FBXO22: variants seen among roughly 807,000 people sequenced by gnomAD.
The protein encoded by FBXO22 is F-box protein 22.
Under a neutral mutation model 37.2 loss-of-function variants are expected in FBXO22, and 13 were observed. The observed-to-expected ratio is 0.35, with a 90% CI of 0.23 to 0.56. FBXO22 has a LOEUF of 0.56. FBXO22 is among the 20% of genes least tolerant of loss of function. The pLI, the probability that FBXO22 is intolerant of heterozygous loss-of-function variation, is 0.87. For missense variants in FBXO22, 446 were observed against 509.9 expected (o/e 0.87, Z 1.21); for synonymous variants, 189 against 189.1 (o/e 1.00, Z 0.00).
intron 6 of FBXO22, chr15:75,930,333 T>A: frequency 1.5e-6 from 2 of 1,328,130 alleles, no homozygotes; most frequent in African/African-American, 1.5e-5. Context: ...GATGTGGTAC[T>A]CTGTGTGACC....
In FBXO22 at chr15:75,929,725, A is replaced by C. The variant is rs2029942679; in HGVS notation, c.629-159A>C. ...TTGATACAGAGATCGAAGAGGATAT[A>C]AAATAAGATAAAAAATAAAAAATGG... On this transcript the variant is annotated intron_variant, in intron 5 of 6. Transcript: ENST00000308275. 2.6e-5 allele frequency among the ~76,000 whole-genome samples: 4 copies of C among 152,224 alleles called. 1 individual carries two copies. In the South Asian group the frequency reaches 8.3e-4, roughly 31 times the overall value.
intron 5 of FBXO22, among the ~76,000 whole-genome samples, chr15:75,921,099 A>G (rs572067645): frequency 6.6e-6 from 1 of 152,338 alleles, no homozygotes; most frequent in South Asian, 2.1e-4. Flanking sequence ...CATGGACAGC[A>G]TGTTACTGTA....
At chr15:75,916,776 T>C (rs1197689627) in intron 4 of FBXO22, among the ~76,000 whole-genome samples, 1 of 152,216 alleles carries the variant, frequency 6.6e-6, no homozygotes, top group African/African-American at 2.4e-5. Context: ...TCAGGTTTTT[T>C]CTTTTTATTT....
At chr15:75,917,112 C>A in intron 4 of FBXO22, 118 bp from the exon 5 acceptor site, 1 of 728,564 alleles carries the variant, frequency 1.4e-6, no homozygotes, top group Non-Finnish European at 2.3e-6. Flanking sequence ...ACTGTCAAAG[C>A]TGAAAAACTT....
chr15:75,926,201 C>A (rs1344344401), intron 5 of FBXO22, among the ~76,000 whole-genome samples: 1 of 152,184 alleles, frequency 6.6e-6, no homozygotes, highest in African/African-American at 2.4e-5. Context: ...GATTCTATGG[C>A]GGGTGGCCCA....
chr15:75,906,777 A>G (rs1899938884), intron 2 of FBXO22, among the ~76,000 whole-genome samples: 1 of 152,166 alleles, frequency 6.6e-6, no homozygotes, highest in African/African-American at 2.4e-5. Flanking sequence ...CCAGAAGTTT[A>G]TCATTTGGAA....
chr15:75,932,534 C>G (rs2030074356), intron 6 of FBXO22, 151 bp from the exon 7 acceptor site: 1 of 634,480 alleles, frequency 1.6e-6, no homozygotes, highest in Non-Finnish European at 2.6e-6. Flanking sequence ...TGATTTTTGA[C>G]CCTATTTTAC....
intron 2 of FBXO22, among the ~76,000 whole-genome samples, chr15:75,907,512 G>A (rs1236810139): frequency 6.6e-6 from 1 of 152,002 alleles, no homozygotes; most frequent in Admixed American, 6.6e-5. Flanking sequence ...CAAATCATAC[G>A]TGCTGTTTAT....
intron 3 of FBXO22, 42 bp downstream of exon 3, chr15:75,913,332 A>G (rs1284616394): frequency 2.9e-6 from 4 of 1,370,236 alleles, no homozygotes; most frequent in Non-Finnish European, 4.1e-6. Context: ...TTTTTTTATC[A>G]TGTGCCTTCC....
Position 75,936,096 on chromosome 15 carries a change from A to G in FBXO22, c.*2994A>G, listed in dbSNP as rs1339918990. 6.6e-6 allele frequency: 1 copy of G among 152,056 alleles called. No individual in the cohort carries two copies. The highest frequency in any genetic ancestry group is 1.5e-5 in the Non-Finnish European group (1 of 67,984). The allele number at this position is 152,056 out of a possible 1,614,324, so 9.4% of individuals were successfully genotyped here. A position where few individuals can be genotyped will look rare whatever the true frequency, so the allele number is the denominator to read the frequency against. On this transcript the variant is annotated 3_prime_UTR_variant, in exon 7 of 7. Transcript: ENST00000308275. ...GCCACTGCGCCCAGCCACAAATCTG[A>G]GAACTTTCTATGCAATCTGCAGAAA...
Position 75,938,482 on chromosome 15 carries a change from A to ACTT in FBXO22, c.*5381_*5383dup. 1 of 152,332 alleles carries ACTT rather than the reference A, an allele frequency of 6.6e-6. No individual in the cohort carries two copies. The highest frequency in any genetic ancestry group is 3.4e-3 in the Middle Eastern group (1 of 294). 9.4% of individuals were successfully genotyped at this position (152,332 alleles called of 1,614,324 possible). A position where few individuals can be genotyped will look rare whatever the true frequency, so the allele number is the denominator to read the frequency against. ...ATGAAGGACATTAAACTAGACATAT[A>ACTT]CTTTAACTCAAATATGCCCAAAGAA... On this transcript the variant is annotated 3_prime_UTR_variant, in exon 7 of 7. Coordinates refer to ENST00000308275, the MANE Select transcript of FBXO22 (RefSeq NM_147188.3).
At position 75,930,059 on chromosome 15, in the gene FBXO22, G is replaced by T. The variant is rs770114550; in HGVS notation, c.794+10G>T. On this transcript the variant is annotated intron_variant, in intron 6 of 6. Transcript: ENST00000308275. ...CACTGACTTCTGAAAAGTATGTCTTGTGTGCTTCTGATTTCGTCTGTGAAT... is the reference window on the plus strand; with the variant it reads ...CACTGACTTCTGAAAAGTATGTCTTTTGTGCTTCTGATTTCGTCTGTGAAT... 3 of 1,613,874 alleles carry T rather than the reference G, an allele frequency of 1.9e-6. No homozygotes were observed. The highest frequency in any genetic ancestry group is 2.5e-6 in the Non-Finnish European group (3 of 1,179,784).
chr15:75,927,006 G>C (rs72734555), intron 5 of FBXO22, among the ~76,000 whole-genome samples: 13,128 of 152,160 alleles, frequency 0.086, 612 homozygotes, highest in African/African-American at 0.1. Flanking sequence ...GTTATGGGAG[G>C]ATGTACATCT....
chr15:75,912,454 A>G (rs1900081006), intron 2 of FBXO22, among the ~76,000 whole-genome samples: 2 of 152,094 alleles, frequency 1.3e-5, no homozygotes, highest in African/African-American at 4.8e-5. Context: ...AGAACTTGTT[A>G]TTGGTCTATT....
chr15:75,919,334 G>A (rs1900268124), intron 5 of FBXO22, among the ~76,000 whole-genome samples: 1 of 152,084 alleles, frequency 6.6e-6, no homozygotes, highest in Non-Finnish European at 1.5e-5. Flanking sequence ...CTACAAAAAT[G>A]GTAACTGTGA....
intron 5 of FBXO22, among the ~76,000 whole-genome samples, chr15:75,928,044 A>G (rs1460611428): frequency 1.3e-5 from 2 of 152,224 alleles, no homozygotes; most frequent in Non-Finnish European, 2.9e-5. Flanking sequence ...AATCAAAACC[A>G]CAATGAGATC....
intron 2 of FBXO22, among the ~76,000 whole-genome samples, chr15:75,908,737 G>A (rs193053247): frequency 1.3e-5 from 2 of 152,210 alleles, no homozygotes; most frequent in African/African-American, 4.8e-5. Flanking sequence ...GAGGCACGTA[G>A]TCTAAGTGTT....
chr15:75,929,711 A>T (rs1023284361), intron 5 of FBXO22, among the ~76,000 whole-genome samples, 173 bp from the exon 6 acceptor site: 1 of 152,210 alleles, frequency 6.6e-6, no homozygotes, highest in African/African-American at 2.4e-5. Context: ...TGATACAGAG[A>T]TCGAAGAGGA....
intron 1 of FBXO22, 120 bp from the exon 2 acceptor site, chr15:75,904,371 C>T: frequency 2.1e-6 from 3 of 1,463,290 alleles, no homozygotes; most frequent in South Asian, 2.3e-5. Flanking sequence ...CTACCTACCC[C>T]GGGGACTTTG....
Sources: gnomAD v4.1 joint callset for allele counts (sites outside exome capture counted in the v4.1 genomes callset) on GRCh38, gnomAD v4.1.1 for gene constraint, MANE v1.5 for transcripts, NCBI Gene and HGNC (gene_info 2026-07-23, HGNC 2026-07-21) for gene names.